DBNDD2: variants seen among roughly 807,000 people sequenced by gnomAD.
DBNDD2 encodes the protein dysbindin domain-containing protein 2.
Under a neutral mutation model 14.0 loss-of-function variants are expected in DBNDD2, and 8 were observed. That is an observed-to-expected ratio of 0.57 (90% CI 0.33 to 1.03). The LOEUF (loss-of-function observed/expected upper bound fraction) is 1.03. Among genes scored for constraint, DBNDD2 ranks in the 50% least tolerant of loss-of-function variants. DBNDD2 has a pLI of 0.03. For synonymous variants in DBNDD2, 94 were observed against 85.3 expected (o/e 1.10, Z -0.56); for missense variants, 194 against 206.0 (o/e 0.94, Z 0.36).
chr20:45,406,367 G>A (rs1989374647), upstream of DBNDD2: 10 of 1,298,634 alleles, frequency 7.7e-6, no homozygotes, highest in South Asian at 1.5e-4. Flanking sequence ...GGCGCAGCAA[G>A]TGCATCCGAG....
Position 45,410,249 on chromosome 20 carries a change from AC to A in DBNDD2, c.*111del. ...ACCAGACTCTTTACTTGCAGTAGGC[AC>A]CAGAGGTGGGAAGGATGGTGGGATT... On this transcript the variant is annotated 3_prime_UTR_variant, in exon 3 of 3. Coordinates refer to ENST00000372710, the MANE Select transcript of DBNDD2 (RefSeq NM_001048225.4). 1 of 1,181,504 alleles carries A rather than the reference AC, an allele frequency of 8.5e-7. No homozygotes were observed. Among genetic ancestry groups the A allele is most frequent in the Non-Finnish European group, 1.2e-6 (1 of 834,672 alleles). The allele number at this position is 1,181,504 out of a possible 1,614,324, so 73.2% of individuals were successfully genotyped here.
intron 2 of DBNDD2, 62 bp from the exon 3 acceptor site, chr20:45,409,870 A>G (rs1483808694): frequency 1.3e-6 from 2 of 1,523,570 alleles, no homozygotes; most frequent in East Asian, 4.9e-5. Flanking sequence ...TCCTGGCCAG[A>G]TAATCTTTAA....
chr20:45,406,653 C>T (rs1021236453), upstream of DBNDD2: 67 of 1,349,194 alleles, frequency 5.0e-5, no homozygotes, highest in Admixed American at 2.7e-3. Context: ...CCACCCCGGC[C>T]GGCGCGGCTC....
rs758623929 is a variant in DBNDD2 at position 45,408,523 on chromosome 20, G to A, written c.56G>A (p.Arg19Gln). ...LERQQLRLRE[R>Q]QKFFEDILQP... is the part of the protein sequence containing the mutation. ...CGCCAGCAGCTCCGCCTTCGGGAGC[G>A]GCAAAAATTCTTCGAGGACATTTTA... The change falls in exon 1 of 3, where the codon CGG becomes CAG. Residue 19 changes from arginine to glutamine, a missense_variant. Transcript: ENST00000372710. 8 of 1,614,196 alleles carry A rather than the reference G, an allele frequency of 5.0e-6. No homozygotes were observed. In the South Asian group the frequency reaches 6.6e-5, roughly 13 times the overall value.
Position 45,408,509 on chromosome 20 carries a change from C to T in DBNDD2, c.42C>T (p.Leu14=), listed in dbSNP as rs752325510. ...NPRAALERQQ[L]RLRERQKFFE... is the part of the protein sequence containing the mutation. ...GGGCCGCCCTGGAGCGCCAGCAGCT[C>T]CGCCTTCGGGAGCGGCAAAAATTCT... The change falls in exon 1 of 3, where the codon CTC becomes CTT. Residue 14 remains leucine (L), a synonymous_variant. Transcript: ENST00000372710. The T allele has an allele frequency of 6.2e-7, 1 of 1,614,268 alleles. No individual in the cohort carries two copies. Among genetic ancestry groups the T allele is most frequent in the South Asian group, 1.1e-5 (1 of 91,086 alleles).
At chr20:45,406,851 C>G, upstream of DBNDD2, 1 of 1,194,490 alleles carries the variant, frequency 8.4e-7, no homozygotes, top group Non-Finnish European at 1.0e-6. Context: ...CGCCTCGTGT[C>G]CCTTTTTAGG....
chr20:45,406,590 C>A (rs573669747), upstream of DBNDD2: 21 of 1,456,240 alleles, frequency 1.4e-5, no homozygotes, highest in East Asian at 2.7e-4. Flanking sequence ...GCCTCTTCCT[C>A]GTTCCCGGCT....
chr20:45,407,924 GT>G (rs561589833), upstream of DBNDD2: 1,132 of 1,351,738 alleles, frequency 8.4e-4, 5 homozygotes, highest in African/African-American at 0.013. Flanking sequence ...ACGTGTTTGT[GT>G]GGGTGGAGAG....
chr20:45,406,932 G>GCTCCTGCCCGGACCCTGGCAGC (rs1989451506), upstream of DBNDD2, among the ~76,000 whole-genome samples: 1 of 152,130 alleles, frequency 6.6e-6, no homozygotes, highest in Admixed American at 6.5e-5. Flanking sequence ...CATTTCGCTG[G>GCTCCTGCCCGGACCCTGGCAGC]CTCCTGCCCG....
intron 2 of DBNDD2, 75 bp downstream of exon 2, chr20:45,409,013 A>AGGCTGGGCTGG (rs1268863500): frequency 6.2e-7 from 1 of 1,613,652 alleles, no homozygotes; most frequent in Non-Finnish European, 8.5e-7. Flanking sequence ...CGAGGCTACA[A>AGGCTGGGCTGG]GGCTGGGCTG....
At chr20:45,407,475 G>A (rs539104172), upstream of DBNDD2, 1 of 985,832 alleles carries the variant, frequency 1.0e-6, no homozygotes, top group African/African-American at 1.7e-5. Context: ...TGCCTCTGGT[G>A]ATGGGCTCAG....
Position 45,408,497 on chromosome 20 carries a change from G to A in DBNDD2, c.30G>A (p.Glu10=). ...ACCCAAATCCTCGGGCCGCCCTGGA[G>A]CGCCAGCAGCTCCGCCTTCGGGAGC... The part of the protein sequence containing the change: MDPNPRAAL[E]RQQLRLRERQ... Residue 10 remains glutamate, a synonymous_variant, in exon 1 of 3, where the codon GAG becomes GAA. Coordinates refer to ENST00000372710, the MANE Select transcript of DBNDD2 (RefSeq NM_001048225.4). 1 of 1,614,274 alleles carries A rather than the reference G, an allele frequency of 6.2e-7. No individual in the cohort carries two copies. Among genetic ancestry groups the A allele is most frequent in the African/African-American group, 1.3e-5 (1 of 75,072 alleles).
chr20:45,408,397 C>T lies in DBNDD2; in HGVS notation c.-71C>T. Reference sequence around the variant, plus strand: ...TGGCTGCAGTGGGGCGCCCCAAGCCCAGGTCCCCTCTGTCTTCTCTTTCGA... The same window carrying T: ...TGGCTGCAGTGGGGCGCCCCAAGCCTAGGTCCCCTCTGTCTTCTCTTTCGA... On this transcript the variant is annotated 5_prime_UTR_variant, in exon 1 of 3. Coordinates refer to ENST00000372710, the MANE Select transcript of DBNDD2 (RefSeq NM_001048225.4). The T allele has an allele frequency of 1.2e-6, 2 of 1,613,922 alleles. No individual in the cohort carries two copies. Among genetic ancestry groups the T allele is most frequent in the South Asian group, 1.1e-5 (1 of 91,092 alleles).
At chr20:45,407,857 G>A, upstream of DBNDD2, 6 of 1,141,368 alleles carry the variant, frequency 5.3e-6, no homozygotes, top group Non-Finnish European at 6.5e-6. Context: ...GCCTAGTCTG[G>A]AAGTCAGGCC....
At chr20:45,406,570 T>G (rs1249642641), upstream of DBNDD2, 1 of 1,479,414 alleles carries the variant, frequency 6.8e-7, no homozygotes, top group African/African-American at 1.5e-5. Flanking sequence ...CTCCCCCACT[T>G]CCGCCTCCCG....
At chr20:45,408,177 T>C (rs534593914), upstream of DBNDD2, 89 of 1,549,336 alleles carry the variant, frequency 5.7e-5, 3 homozygotes, top group South Asian at 1.0e-3. Flanking sequence ...GAGTTGGGCA[T>C]TGGCTGTGTT....
At chr20:45,406,388 C>G (rs958284728), upstream of DBNDD2, 1 of 1,428,314 alleles carries the variant, frequency 7.0e-7, no homozygotes, top group Non-Finnish European at 9.4e-7. Flanking sequence ...CGAGCGGAGA[C>G]TAGCGCACCG....
rs960735135 is a variant in DBNDD2 at position 45,408,781 on chromosome 20, G to A, written c.140-20G>A. The A allele has an allele frequency of 2.5e-6, 4 of 1,611,448 alleles. No homozygotes were observed. The highest frequency in any genetic ancestry group is 3.3e-5 in the Admixed American group (2 of 59,974). The stretch of plus-strand genomic sequence containing the variant: ...TGTGCAGCTTGGGTCCTCCTGACTT[G>A]CCCACTTCTTGATCCGCAGCCCCCA... On this transcript the variant is annotated intron_variant, in intron 1 of 2. Transcript: ENST00000372710.
At position 45,408,712 on chromosome 20, in the gene DBNDD2, A is replaced by G. The variant is rs749473497; in HGVS notation, c.140-89A>G. On this transcript the variant is annotated intron_variant, in intron 1 of 2. Transcript: ENST00000372710. ...TCCCCTCTGGTTTTCTTGGCCCTCT[A>G]TGCTTCTAACTTGGGACCTGACATG... The G allele has an allele frequency of 3.3e-4, 529 of 1,580,136 alleles. 2 individuals carry two copies. The highest frequency in any genetic ancestry group is 5.4e-4 in the Admixed American group (32 of 59,354).
Sources: gnomAD v4.1 joint callset for allele counts (sites outside exome capture counted in the v4.1 genomes callset) on GRCh38, gnomAD v4.1.1 for gene constraint, MANE v1.5 for transcripts, NCBI Gene and HGNC (gene_info 2026-07-23, HGNC 2026-07-21) for gene names.